The following NTN1 variants were observed in gnomAD, a reference collection of about 807,000 sequenced individuals.
The protein encoded by NTN1 is netrin 1.
Under a neutral mutation model 54.2 loss-of-function variants are expected in NTN1, and 11 were observed. The ratio of observed to expected loss-of-function variants is 0.20; its 90% CI spans 0.13 to 0.34. The LOEUF (loss-of-function observed/expected upper bound fraction) is 0.34. Ranked by LOEUF, NTN1 falls within the 10% of genes least tolerant of loss-of-function variation. The pLI is 1.00. For synonymous variants in NTN1, 371 were observed against 382.0 expected (o/e 0.97, Z 0.33); for missense variants, 740 against 893.1 (o/e 0.83, Z 2.18).
rs1303437792 is a variant in NTN1, at chr17:9,216,501, TCC to T, written c.1412-4664_1412-4663del. ...AATAGTTGTGACAGCAACTTTATGG[TCC>T]CCTATGCCTAAAGTATTCACCGTTT... On this transcript the variant is annotated intron_variant, in intron 5 of 6. Coordinates refer to ENST00000173229, the MANE Select transcript of NTN1 (RefSeq NM_004822.3). 3.7e-4 allele frequency among the ~76,000 whole-genome samples: 57 copies of T among 152,338 alleles called. No individual in the cohort carries two copies. The South Asian group carries it at 0.011, about 30-fold the overall frequency.
intron 5 of NTN1, among the ~76,000 whole-genome samples, chr17:9,202,696 T>C (rs1343350855): frequency 6.6e-6 from 1 of 152,162 alleles, no homozygotes; most frequent in Non-Finnish European, 1.5e-5. Context: ...AGTGGAAATC[T>C]CTTCCAAATG....
At chr17:9,187,196 G>A (rs1054025643) in intron 5 of NTN1, among the ~76,000 whole-genome samples, 4 of 152,132 alleles carry the variant, frequency 2.6e-5, no homozygotes, top group African/African-American at 7.2e-5. Flanking sequence ...CCAGAAAGGC[G>A]GGATTGGGGT....
At chr17:9,232,323 A>G (rs1235189772) in intron 6 of NTN1, among the ~76,000 whole-genome samples, 1 of 152,206 alleles carries the variant, frequency 6.6e-6, no homozygotes, top group Non-Finnish European at 1.5e-5. Flanking sequence ...CCTCTTGCTA[A>G]GAAGGGTGCC....
At chr17:9,124,404 C>T (rs2092239921) in intron 2 of NTN1, among the ~76,000 whole-genome samples, 1 of 152,212 alleles carries the variant, frequency 6.6e-6, no homozygotes, top group Admixed American at 6.5e-5. Context: ...CCGGATTCCA[C>T]TTCCTGAACT....
rs1324538060 is a variant in NTN1, at chr17:9,240,803, G to A, written c.*835G>A. On this transcript the variant is annotated 3_prime_UTR_variant, in exon 7 of 7. Coordinates refer to ENST00000173229, the MANE Select transcript of NTN1 (RefSeq NM_004822.3). Reference sequence around the variant, plus strand: ...AGGCAGTGGGCCCAGGGACACCCCTGAGAAGCCCAAGCCGGGTGGTCACCG... The same window carrying A: ...AGGCAGTGGGCCCAGGGACACCCCTAAGAAGCCCAAGCCGGGTGGTCACCG... The A allele has an allele frequency of 6.6e-6, 1 of 152,376 alleles. No individual in the cohort carries two copies. The highest frequency in any genetic ancestry group is 1.9e-4 in the East Asian group (1 of 5,188). The allele number at this position is 152,376 out of a possible 1,614,324, so 9.4% of individuals were successfully genotyped here. A position where few individuals can be genotyped will look rare whatever the true frequency, so the allele number is the denominator to read the frequency against.
Position 9,023,258 on chromosome 17 carries a change from G to A in NTN1, c.885G>A (p.Val295=). The A allele has an allele frequency of 6.4e-7, 1 of 1,563,110 alleles. No individual in the cohort carries two copies. Among genetic ancestry groups the A allele is most frequent in the Non-Finnish European group, 8.7e-7 (1 of 1,155,092 alleles). The change falls in exon 2 of 7, where the codon GTG becomes GTA. Residue 295 remains valine, a synonymous_variant. Coordinates refer to ENST00000173229, the MANE Select transcript of NTN1 (RefSeq NM_004822.3). ...GCAACGGCCACGCGGCCCGCTGCGTGCGCGACCGCGACGACAGCCTGGTGT... is the reference window on the plus strand; with the variant it reads ...GCAACGGCCACGCGGCCCGCTGCGTACGCGACCGCGACGACAGCCTGGTGT... The part of the protein sequence containing the change: ...CKCNGHAARC[V]RDRDDSLVCD...
At chr17:9,116,921 G>A (rs960782343) in intron 2 of NTN1, among the ~76,000 whole-genome samples, 3 of 152,310 alleles carry the variant, frequency 2.0e-5, no homozygotes, top group East Asian at 1.9e-4. Flanking sequence ...AGTTGATGTC[G>A]GATATCTTGT....
intron 5 of NTN1, among the ~76,000 whole-genome samples, chr17:9,189,647 G>C (rs1210736636): frequency 6.6e-6 from 1 of 151,996 alleles, no homozygotes; most frequent in Admixed American, 6.6e-5. Flanking sequence ...ACCATGCCCA[G>C]CCAAAGTTAT....
At chr17:9,138,764 G>T (rs1221154162) in intron 2 of NTN1, among the ~76,000 whole-genome samples, 1 of 152,160 alleles carries the variant, frequency 6.6e-6, no homozygotes, top group Non-Finnish European at 1.5e-5. Context: ...GCTGGGGAGT[G>T]GGGGATTGGT....
chr17:9,207,537 A>G (rs1567738954), intron 5 of NTN1, among the ~76,000 whole-genome samples: 2 of 152,188 alleles, frequency 1.3e-5, no homozygotes, highest in Admixed American at 6.5e-5. Context: ...AAGTGCAGCA[A>G]TGTGTCCAAG....
chr17:9,198,005 TGATGGCTGTGGGTGG>T (rs1230237575), intron 5 of NTN1, among the ~76,000 whole-genome samples: 7 of 152,212 alleles, frequency 4.6e-5, no homozygotes, highest in Non-Finnish European at 8.8e-5. Context: ...TGAGGCTAGT[TGATGGCTGTGGGTGG>T]GATGCCAGCC....
chr17:9,059,701 G>C (rs904236008), intron 2 of NTN1, among the ~76,000 whole-genome samples: 2 of 152,144 alleles, frequency 1.3e-5, no homozygotes, highest in Non-Finnish European at 2.9e-5. Context: ...ATCTCCTTTA[G>C]GGAAGATGAA....
At chr17:9,087,496 G>A (rs940630084) in intron 2 of NTN1, among the ~76,000 whole-genome samples, 12 of 152,208 alleles carry the variant, frequency 7.9e-5, no homozygotes, top group African/African-American at 2.7e-4. Flanking sequence ...ACCGTGATTG[G>A]CTTGTGCTGT....
chr17:9,068,975 G>C (rs373769955), intron 2 of NTN1, among the ~76,000 whole-genome samples: 68 of 152,166 alleles, frequency 4.5e-4, no homozygotes, highest in African/African-American at 1.4e-3. Context: ...TCTCTTCCCA[G>C]CTGGTGCCTT....
chr17:9,180,037 T>G, intron 4 of NTN1, 81 bp downstream of exon 4: 2 of 1,465,586 alleles, frequency 1.4e-6, no homozygotes, highest in South Asian at 2.7e-5. Context: ...TCACTGATGT[T>G]CAGTGGGTTC....
rs1280369550 is a variant in NTN1 at position 9,237,318 on chromosome 17, T to C, written c.1487-2322T>C. On this transcript the variant is annotated intron_variant, in intron 6 of 6. Transcript: ENST00000173229. ...TGTGTGTCTGTGTCCTCATCTCCTCTTACAAGGACACAGGTCATAGGGCCC... is the reference window on the plus strand; with the variant it reads ...TGTGTGTCTGTGTCCTCATCTCCTCCTACAAGGACACAGGTCATAGGGCCC... 2.0e-5 allele frequency among the ~76,000 whole-genome samples: 3 copies of C among 152,280 alleles called. No homozygotes were observed. The East Asian group carries it at 5.8e-4, about 29-fold the overall frequency.
chr17:9,154,908 C>G (rs891209302), intron 2 of NTN1, among the ~76,000 whole-genome samples: 2 of 152,142 alleles, frequency 1.3e-5, no homozygotes, highest in African/African-American at 4.8e-5. Context: ...TGCAAAGGCT[C>G]TCTGTCCACA....
chr17:9,069,086 C>T (rs1320070986), intron 2 of NTN1, among the ~76,000 whole-genome samples: 1 of 152,056 alleles, frequency 6.6e-6, no homozygotes, highest in Non-Finnish European at 1.5e-5. Context: ...TAGCCTCTTG[C>T]CTCCTAGCCT....
In NTN1 at chr17:9,226,117, T is replaced by A. The variant is rs372928315; in HGVS notation, c.1486+4875T>A. 5.4e-5 allele frequency among the ~76,000 whole-genome samples: 7 copies of A among 129,820 alleles called. No homozygotes were observed. The East Asian group carries it at 1.2e-3, about 23-fold the overall frequency. 85.2% of individuals were successfully genotyped at this position (129,820 alleles called of 152,430 possible). A position where few individuals can be genotyped will look rare whatever the true frequency, so the allele number is the denominator to read the frequency against. ...CGCTTACAGAGAGCCAGAGCCCAGCTCCCGTAGGCTTAAGGGCACGAAGCA... is the reference window on the plus strand; with the variant it reads ...CGCTTACAGAGAGCCAGAGCCCAGCACCCGTAGGCTTAAGGGCACGAAGCA... On this transcript the variant is annotated intron_variant, in intron 6 of 6. Coordinates refer to ENST00000173229, the MANE Select transcript of NTN1 (RefSeq NM_004822.3).
Sources: allele counts gnomAD v4.1 joint callset (sites outside exome capture counted in the v4.1 genomes callset), GRCh38; gene constraint gnomAD v4.1.1; transcripts MANE v1.5; gene names NCBI Gene and HGNC (gene_info 2026-07-23, HGNC 2026-07-21).